Variants in ARMH3 observed in about 807,000 individuals in gnomAD.
ARMH3 encodes the protein armadillo-like helical domain-containing protein 3.
In ARMH3, 60 loss-of-function variants were observed where a neutral mutation model predicts 99.1. The ratio of observed to expected loss-of-function variants is 0.61; its 90% CI spans 0.49 to 0.75. ARMH3 has a LOEUF of 0.75. Ranked by LOEUF, ARMH3 falls within the 30% of genes least tolerant of loss-of-function variation. The pLI is 0.00. For synonymous variants in ARMH3, 285 were observed against 292.8 expected, an observed-to-expected ratio of 0.97 and a Z score of 0.27; for missense variants, 679 against 843.1, an observed-to-expected ratio of 0.81 and a Z score of 2.41.
intron 24 of ARMH3, among the ~76,000 whole-genome samples, chr10:101,882,059 C>T (rs1216038236): frequency 6.6e-6 from 1 of 152,158 alleles, no homozygotes; most frequent in Non-Finnish European, 1.5e-5. Flanking sequence ...TAGCAAAAGC[C>T]CTTTTGTATC....
intron 19 of ARMH3, among the ~76,000 whole-genome samples, chr10:101,985,693 G>A (rs1311287060): frequency 2.6e-5 from 4 of 151,802 alleles, no homozygotes; most frequent in South Asian, 2.1e-4. Flanking sequence ...CATCCTGGAC[G>A]ACAAAGCAAG....
chr10:101,925,794 C>T (rs567555844), intron 23 of ARMH3, among the ~76,000 whole-genome samples: 3 of 152,248 alleles, frequency 2.0e-5, no homozygotes, highest in Non-Finnish European at 2.9e-5. Flanking sequence ...CCTGTAATCC[C>T]GGCTACCCAG....
At chr10:101,919,531 G>A (rs539283884) in intron 23 of ARMH3, among the ~76,000 whole-genome samples, 7 of 152,130 alleles carry the variant, frequency 4.6e-5, no homozygotes, top group Non-Finnish European at 8.8e-5. Context: ...TGTTCTTAGA[G>A]GGCTTTGCTT....
intron 24 of ARMH3, among the ~76,000 whole-genome samples, chr10:101,867,657 A>AC (rs1251017470): frequency 1.3e-5 from 2 of 151,990 alleles, no homozygotes; most frequent in Non-Finnish European, 2.9e-5. Flanking sequence ...ACATAGTGAG[A>AC]CCCCACCTCT....
At chr10:101,984,567 T>C (rs1428438217) in intron 19 of ARMH3, among the ~76,000 whole-genome samples, 1 of 152,060 alleles carries the variant, frequency 6.6e-6, no homozygotes, top group Non-Finnish European at 1.5e-5. Flanking sequence ...CCACCAACAC[T>C]GAGCCACTCC....
chr10:101,895,729 T>C (rs2135472949), intron 23 of ARMH3, among the ~76,000 whole-genome samples: 1 of 152,282 alleles, frequency 6.6e-6, no homozygotes, highest in South Asian at 2.1e-4. Flanking sequence ...ATCAAGAAAG[T>C]GAAAGGACAA....
chr10:101,862,189 G>C (rs1162960427), intron 24 of ARMH3, among the ~76,000 whole-genome samples: 2 of 151,282 alleles, frequency 1.3e-5, no homozygotes, highest in Non-Finnish European at 1.5e-5. Context: ...AATTTAAAAT[G>C]TATGACAACA....
intron 23 of ARMH3, among the ~76,000 whole-genome samples, chr10:101,910,194 C>T (rs957577737): frequency 2.0e-5 from 3 of 152,288 alleles, no homozygotes; most frequent in African/African-American, 7.2e-5. Context: ...CCATCTGCTG[C>T]TGACACTTGA....
chr10:101,988,175 C>G (rs1422946805), intron 19 of ARMH3, among the ~76,000 whole-genome samples: 3 of 152,114 alleles, frequency 2.0e-5, no homozygotes, highest in African/African-American at 7.2e-5. Context: ...TGTAACAGTT[C>G]AGAATTTATA....
At chr10:101,889,804 C>G in intron 23 of ARMH3, 1 of 273,030 alleles carries the variant, frequency 3.7e-6, no homozygotes, top group Non-Finnish European at 7.2e-6. Flanking sequence ...AGAGGGCTGT[C>G]CACTAGGGGG....
intron 23 of ARMH3, among the ~76,000 whole-genome samples, chr10:101,895,926 AACC>A (rs1488580801): frequency 6.6e-6 from 1 of 152,244 alleles, no homozygotes; most frequent in Non-Finnish European, 1.5e-5. Context: ...TCCAAATCAA[AACC>A]ACAATGAGAT....
At chr10:101,975,426 G>T in intron 19 of ARMH3, 126 bp from the exon 20 acceptor site, 1 of 600,176 alleles carries the variant, frequency 1.7e-6, no homozygotes, top group South Asian at 1.8e-5. Flanking sequence ...ATGTATACAT[G>T]CAAAAAAATA....
At chr10:101,862,887 C>T (rs1205362379) in intron 24 of ARMH3, among the ~76,000 whole-genome samples, 1 of 152,150 alleles carries the variant, frequency 6.6e-6, no homozygotes, top group Admixed American at 6.6e-5. Context: ...AAATCAAGAG[C>T]CAATTATACA....
intron 2 of ARMH3, among the ~76,000 whole-genome samples, chr10:102,036,051 C>A (rs541168303): frequency 6.6e-6 from 1 of 151,438 alleles, no homozygotes; most frequent in South Asian, 2.1e-4. Flanking sequence ...CGTCTCCGCC[C>A]GGCCGCCCCG....
chr10:101,947,070 C>G (rs1033065355), intron 22 of ARMH3, among the ~76,000 whole-genome samples: 5 of 151,950 alleles, frequency 3.3e-5, no homozygotes, highest in African/African-American at 1.2e-4. Context: ...CACTTGTAAT[C>G]CCAGCTACTC....
chr10:101,940,992 G>C (rs1280199222), intron 22 of ARMH3, among the ~76,000 whole-genome samples: 1 of 152,210 alleles, frequency 6.6e-6, no homozygotes, highest in African/African-American at 2.4e-5. Flanking sequence ...AATATGCAGA[G>C]AGCTTACTAT....
chr10:101,854,296 T>A (rs992450553), intron 24 of ARMH3, among the ~76,000 whole-genome samples: 1 of 152,146 alleles, frequency 6.6e-6, no homozygotes, highest in East Asian at 1.9e-4. Flanking sequence ...GAATAAAAGT[T>A]TTTAAGTTCC....
chr10:101,875,397 T>C (rs758322516), intron 24 of ARMH3, among the ~76,000 whole-genome samples: 11 of 152,180 alleles, frequency 7.2e-5, no homozygotes, highest in Non-Finnish European at 1.2e-4. Flanking sequence ...ATATAATTAT[T>C]TGGAAACAAT....
At chr10:101,897,725 A>G (rs2067872895) in intron 23 of ARMH3, among the ~76,000 whole-genome samples, 1 of 152,232 alleles carries the variant, frequency 6.6e-6, no homozygotes, top group Non-Finnish European at 1.5e-5. Flanking sequence ...ACATCATAGT[A>G]AAGAGAAATT....
Sources: allele counts gnomAD v4.1 joint callset (sites outside exome capture counted in the v4.1 genomes callset), GRCh38; gene constraint gnomAD v4.1.1; transcripts MANE v1.5; gene names NCBI Gene and HGNC (gene_info 2026-07-23, HGNC 2026-07-21).